The following SDR42E1 variants were observed in gnomAD, a reference collection of about 807,000 sequenced individuals.
The protein encoded by SDR42E1 is short chain dehydrogenase/reductase family 42E, member 1.
SDR42E1 carries 5 observed loss-of-function variants against 2.6 expected under a neutral mutation model. The ratio of observed to expected loss-of-function variants is 1.94; its 90% confidence interval spans 1.01 to 4.08. SDR42E1 has a LOEUF of 4.08. SDR42E1 is among the 30% of genes most tolerant of loss of function. The pLI, the probability that SDR42E1 is intolerant of heterozygous loss-of-function variation, is 0.00. For synonymous variants in SDR42E1, 231 were observed against 188.3 expected (o/e 1.23, Z -1.86); for missense variants, 596 against 478.6 (o/e 1.25, Z -2.29).
At chr16:82,011,218 TG>T (rs910265944) in intron 1 of SDR42E1, among the ~76,000 whole-genome samples, 168 bp downstream of exon 1, 4 of 152,188 alleles carry the variant, frequency 2.6e-5, no homozygotes, top group African/African-American at 7.2e-5. Flanking sequence ...CCCGGTCCCC[TG>T]GGATCAGGAA....
rs1912488411 is a variant in SDR42E1, at chr16:81,994,106, ACTTAAAGGAC to A, written c.*4995_*5004del. 1 of 152,152 alleles carries A rather than the reference ACTTAAAGGAC, an allele frequency of 6.6e-6. No homozygotes were observed. Among genetic ancestry groups the A allele is most frequent in the South Asian group, 2.1e-4 (1 of 4,816 alleles). 9.4% of individuals were successfully genotyped at this position (152,152 alleles called of 1,614,324 possible). A position where few individuals can be genotyped will look rare whatever the true frequency, so the allele number is the denominator to read the frequency against. The stretch of plus-strand genomic sequence containing the variant: ...GCTGCGATTCCTGGAGAAAAATCGA[ACTTAAAGGAC>A]CTTAAGCAGAAAAGAAAGTGAACTG... On this transcript the variant is annotated 3_prime_UTR_variant, in exon 3 of 3. Transcript: ENST00000328945.
rs200329125 is a variant in SDR42E1, at chr16:82,000,103, C to T, written c.190G>A (p.Val64Ile). 5.1e-5 allele frequency: 83 copies of T among 1,614,214 alleles called. No individual in the cohort carries two copies. Among genetic ancestry groups the T allele is most frequent in the Admixed American group, 3.0e-4 (18 of 60,028 alleles). ...IQGDIRHLSDVEKAFQDADVT... is the reference protein window; with the variant it reads ...IQGDIRHLSDIEKAFQDADVT... ...TCTGCATCCTGGAAGGCTTTCTCTA[C>T]GTCAGACAGGTGGCGGATGTCTCCT... Residue 64 changes from valine to isoleucine, a missense_variant, in exon 3 of 3, where the codon GTA (valine) becomes ATA (isoleucine). By Grantham distance (29) the Val-to-Ile change is conservative. Transcript: ENST00000328945.
In SDR42E1 at chr16:81,993,688, C is replaced by T. The variant is rs370471884; in HGVS notation, c.*5423G>A. On this transcript the variant is annotated 3_prime_UTR_variant, in exon 3 of 3. Coordinates refer to ENST00000328945, the MANE Select transcript of SDR42E1 (RefSeq NM_145168.3). ...CTGATAAGTGCATTCACCCCGTCAA[C>T]AAGCATTTATTGGGCATATGAAGGG... 4.6e-5 allele frequency: 7 copies of T among 152,188 alleles called. No individual in the cohort carries two copies. In the East Asian group the frequency reaches 9.6e-4, roughly 21 times the overall value. 9.4% of individuals were successfully genotyped at this position (152,188 alleles called of 1,614,324 possible). A position where few individuals can be genotyped will look rare whatever the true frequency, so the allele number is the denominator to read the frequency against.
In SDR42E1 at chr16:81,999,663, C is replaced by T. The variant is rs759358610; in HGVS notation, c.630G>A (p.Lys210=). 6.2e-7 allele frequency: 1 copy of T among 1,614,214 alleles called. No individual in the cohort carries two copies. ...GGCTCCTGGGGTCCCCGTAGACAAACTTGAACAGACCCTTCTCGATGTAGC... is the reference window on the plus strand; with the variant it reads ...GGCTCCTGGGGTCCCCGTAGACAAATTTGAACAGACCCTTCTCGATGTAGC... The part of the protein sequence containing the change: ...IVSYIEKGLF[K]FVYGDPRSLV... Residue 210 remains lysine (K), a synonymous_variant, in exon 3 of 3, where the codon AAG becomes AAA. Transcript: ENST00000328945.
At position 81,991,667 on chromosome 16, in the gene SDR42E1, T is replaced by G. The variant is rs1597171283; in HGVS notation, c.*7444A>C. On this transcript the variant is annotated 3_prime_UTR_variant, in exon 3 of 3. Transcript: ENST00000328945. ...TCGAGCCAACAGTGAGCCATGACTG[T>G]GCCACTGTACTCTAGCCTGGGTGAC... The G allele has an allele frequency of 1.4e-5, 2 of 147,662 alleles. No individual in the cohort carries two copies. The allele number at this position is 147,662 out of a possible 1,614,324, so 9.1% of individuals were successfully genotyped here.
intron 1 of SDR42E1, among the ~76,000 whole-genome samples, chr16:82,002,788 C>G (rs1314652915): frequency 1.3e-5 from 2 of 152,172 alleles, no homozygotes; most frequent in Admixed American, 6.5e-5. Flanking sequence ...AAAAGTGGAG[C>G]TGATAATAAG....
Position 81,996,614 on chromosome 16 carries a change from T to G in SDR42E1, c.*2497A>C, listed in dbSNP as rs1912547114. ...GGAGCCCAGGAGTGGTCTGGAACTG[T>G]ACATCTAGTAGTACATATTTGGGCT... On this transcript the variant is annotated 3_prime_UTR_variant, in exon 3 of 3. Transcript: ENST00000328945. 6.6e-6 allele frequency: 1 copy of G among 152,210 alleles called. No homozygotes were observed. The highest frequency in any genetic ancestry group is 2.4e-5 in the African/African-American group (1 of 41,422). 9.4% of individuals were successfully genotyped at this position (152,210 alleles called of 1,614,324 possible).
At chr16:82,003,450 C>G (rs1912835444) in intron 1 of SDR42E1, among the ~76,000 whole-genome samples, 1 of 152,230 alleles carries the variant, frequency 6.6e-6, no homozygotes, top group African/African-American at 2.4e-5. Flanking sequence ...TCAATACAGA[C>G]TTCCCACGTT....
Position 81,993,594 on chromosome 16 carries a change from G to A in SDR42E1, c.*5517C>T, listed in dbSNP as rs1912476426. 6.6e-6 allele frequency: 1 copy of A among 152,170 alleles called. No homozygotes were observed. The highest frequency in any genetic ancestry group is 2.1e-4 in the South Asian group (1 of 4,826). 9.4% of individuals were successfully genotyped at this position (152,170 alleles called of 1,614,324 possible). A position where few individuals can be genotyped will look rare whatever the true frequency, so the allele number is the denominator to read the frequency against. Reference sequence around the variant, plus strand: ...TTGAATGTTCTTATTGCCTCAGGCTGGGAGTCTCAGGTGTAAAAGAAGCAA... The same window carrying A: ...TTGAATGTTCTTATTGCCTCAGGCTAGGAGTCTCAGGTGTAAAAGAAGCAA... On this transcript the variant is annotated 3_prime_UTR_variant, in exon 3 of 3. Coordinates refer to ENST00000328945, the MANE Select transcript of SDR42E1 (RefSeq NM_145168.3).
rs549258813 is a variant in SDR42E1 at position 81,991,002 on chromosome 16, G to A, written c.*8109C>T. ...CAGAATAGTGTAAGACTGCAGGGGA[G>A]GCAAAGAGCCATCAGCAGCGAATAA... On this transcript the variant is annotated 3_prime_UTR_variant, in exon 3 of 3. Transcript: ENST00000328945. 1 of 152,190 alleles carries A rather than the reference G, an allele frequency of 6.6e-6. No homozygotes were observed. The allele number at this position is 152,190 out of a possible 1,614,324, so 9.4% of individuals were successfully genotyped here. A position where few individuals can be genotyped will look rare whatever the true frequency, so the allele number is the denominator to read the frequency against.
At chr16:82,004,471 C>T (rs577289160) in intron 1 of SDR42E1, among the ~76,000 whole-genome samples, 1 of 152,324 alleles carries the variant, frequency 6.6e-6, no homozygotes, top group Non-Finnish European at 1.5e-5. Flanking sequence ...TGGAGACAGG[C>T]TTCTGTCCCC....
chr16:82,009,101 A>T (rs1913042120), intron 1 of SDR42E1, among the ~76,000 whole-genome samples: 1 of 151,374 alleles, frequency 6.6e-6, no homozygotes, highest in African/African-American at 2.4e-5. Flanking sequence ...AGGTTTGGAA[A>T]CCTCTCCCTA....
rs1035341314 is a variant in SDR42E1 at position 81,992,919 on chromosome 16, T to C, written c.*6192A>G. The C allele has an allele frequency of 6.6e-5, 10 of 152,266 alleles. No homozygotes were observed. The South Asian group carries it at 1.9e-3, about 28-fold the overall frequency. The allele number at this position is 152,266 out of a possible 1,614,324, so 9.4% of individuals were successfully genotyped here. On this transcript the variant is annotated 3_prime_UTR_variant, in exon 3 of 3. Transcript: ENST00000328945. The stretch of plus-strand genomic sequence containing the variant: ...ACAACTTAGAGATACCAGGGACTGG[T>C]TGACTCTATTTCTGGTTTGATTTTC...
intron 1 of SDR42E1, among the ~76,000 whole-genome samples, chr16:82,004,899 G>A (rs945410993): frequency 1.3e-5 from 2 of 152,232 alleles, no homozygotes; most frequent in East Asian, 1.9e-4. Context: ...AGGTGGCAGC[G>A]TGCTGCACCC....
At position 81,991,275 on chromosome 16, in the gene SDR42E1, C is replaced by T. The variant is rs1912422371; in HGVS notation, c.*7836G>A. 6.6e-6 allele frequency: 1 copy of T among 152,164 alleles called. No individual in the cohort carries two copies. The highest frequency in any genetic ancestry group is 2.4e-5 in the African/African-American group (1 of 41,432). 9.4% of individuals were successfully genotyped at this position (152,164 alleles called of 1,614,324 possible). On this transcript the variant is annotated 3_prime_UTR_variant, in exon 3 of 3. Transcript: ENST00000328945. ...ACTCACATGACAAAATAATGGTTTG[C>T]TTCTGTAACTTAGTTTGTGTAGCAG...
intron 1 of SDR42E1, among the ~76,000 whole-genome samples, chr16:82,005,763 G>A (rs1912913338): frequency 6.6e-6 from 1 of 151,980 alleles, no homozygotes; most frequent in African/African-American, 2.4e-5. Flanking sequence ...TGGTGGGGAG[G>A]GCTACATCCG....
At chr16:82,004,676 C>T (rs1249077991) in intron 1 of SDR42E1, among the ~76,000 whole-genome samples, 2 of 152,154 alleles carry the variant, frequency 1.3e-5, no homozygotes, top group Non-Finnish European at 2.9e-5. Flanking sequence ...AATTGAATTC[C>T]ACTCTGCAGA....
intron 1 of SDR42E1, among the ~76,000 whole-genome samples, chr16:82,011,043 G>A (rs185292447): frequency 6.6e-6 from 1 of 152,318 alleles, no homozygotes; most frequent in East Asian, 1.9e-4. Flanking sequence ...TGATAAAGAG[G>A]AGGTAATCGT....
rs572371130 is a variant in SDR42E1 at position 81,994,711 on chromosome 16, G to A, written c.*4400C>T. ...AGTGGCCCTATAATGATGTCTAATT[G>A]GGTCAGAGCTGGGGCGTGGCATTCT... On this transcript the variant is annotated 3_prime_UTR_variant, in exon 3 of 3. Coordinates refer to ENST00000328945, the MANE Select transcript of SDR42E1 (RefSeq NM_145168.3). The A allele has an allele frequency of 1.3e-5, 2 of 152,264 alleles. No homozygotes were observed. Among genetic ancestry groups the A allele is most frequent in the South Asian group, 4.1e-4 (2 of 4,822 alleles). 9.4% of individuals were successfully genotyped at this position (152,264 alleles called of 1,614,324 possible).
Sources: allele counts gnomAD v4.1 joint callset (sites outside exome capture counted in the v4.1 genomes callset), GRCh38; gene constraint gnomAD v4.1.1; transcripts MANE v1.5; gene names NCBI Gene and HGNC (gene_info 2026-07-23, HGNC 2026-07-21).